ZBTB40: variants seen among roughly 807,000 people sequenced by gnomAD.
The protein encoded by ZBTB40 is zinc finger and BTB domain containing 40, also known as zinc finger and BTB domain-containing protein 40.
ZBTB40 carries 60 observed loss-of-function variants against 117.5 expected under a neutral mutation model. The observed-to-expected ratio is 0.51, with a 90% CI of 0.41 to 0.63. The LOEUF (loss-of-function observed/expected upper bound fraction) is 0.63. Ranked by LOEUF, ZBTB40 falls within the 30% of genes least tolerant of loss-of-function variation. The probability of loss-of-function intolerance (pLI) is 0.00; values close to 1 mark genes in which losing one functional copy is unlikely to be tolerated. For missense variants in ZBTB40, 1,287 were observed against 1,498.5 expected, an observed-to-expected ratio of 0.86 and a Z score of 2.33; for synonymous variants, 525 against 577.1, an observed-to-expected ratio of 0.91 and a Z score of 1.29.
intron 3 of ZBTB40, among the ~76,000 whole-genome samples, chr1:22,499,239 C>T (rs1638860542): frequency 6.6e-6 from 1 of 152,246 alleles, no homozygotes; most frequent in African/African-American, 2.4e-5. Context: ...CTCCGTAGGG[C>T]AGCTCACAAC....
intron 1 of ZBTB40, among the ~76,000 whole-genome samples, chr1:22,443,158 A>C (rs1480918428): frequency 6.6e-6 from 1 of 152,196 alleles, no homozygotes; most frequent in Non-Finnish European, 1.5e-5. Context: ...ACAGAATCTA[A>C]CCTGCTGGGG....
intron 3 of ZBTB40, among the ~76,000 whole-genome samples, chr1:22,493,157 A>C (rs1363556964): frequency 6.6e-6 from 1 of 151,960 alleles, no homozygotes; most frequent in African/African-American, 2.4e-5. Flanking sequence ...CTTTTTTTCC[A>C]TTTCTTGTTC....
chr1:22,450,825 T>C (rs1640853785), upstream of ZBTB40, among the ~76,000 whole-genome samples: 1 of 152,132 alleles, frequency 6.6e-6, no homozygotes. Flanking sequence ...CGACTGAATA[T>C]TGACATTGCA....
At chr1:22,521,397 G>A in intron 14 of ZBTB40, 99 bp from the exon 15 acceptor site, 2 of 1,495,000 alleles carry the variant, frequency 1.3e-6, no homozygotes, top group South Asian at 1.2e-5. Flanking sequence ...AGAAACGTCA[G>A]CTTATCCAAA....
chr1:22,429,088 T>A (rs1444924995), intron 1 of ZBTB40, among the ~76,000 whole-genome samples: 1 of 152,184 alleles, frequency 6.6e-6, no homozygotes. Context: ...TTTTCTTCTT[T>A]AAGAAATTCT....
intron 1 of ZBTB40, among the ~76,000 whole-genome samples, chr1:22,467,291 A>G (rs569224028): frequency 1.4e-3 from 213 of 152,312 alleles, no homozygotes; most frequent in African/African-American, 4.9e-3. Flanking sequence ...CAAGTAAAGT[A>G]TACTTTTCCC....
chr1:22,445,489 A>G (rs1276294570), intron 1 of ZBTB40, among the ~76,000 whole-genome samples: 1 of 152,134 alleles, frequency 6.6e-6, no homozygotes, highest in Non-Finnish European at 1.5e-5. Context: ...CTAAAGGCCT[A>G]TTTACAGATC....
Position 22,511,813 on chromosome 1 carries a change from A to C in ZBTB40, c.2140A>C (p.Thr714Pro). Residue 714 changes from threonine (T) to proline (P), a missense_variant, in exon 11 of 18, where the codon ACT becomes CCT. Coordinates refer to ENST00000375647, the MANE Select transcript of ZBTB40 (RefSeq NM_014870.4). ...QPGEQNDQGE[T>P]GSLPGQQEKE... is the part of the protein sequence containing the mutation. ...TGGGGAACAGAATGATCAAGGAGAG[A>C]CTGGTTCCTTGCCAGGACAGCAAGA... is the stretch of plus-strand genomic sequence containing the variant. The C allele has an allele frequency of 1.2e-6, 2 of 1,614,122 alleles. No individual in the cohort carries two copies. The highest frequency in any genetic ancestry group is 1.1e-5 in the South Asian group (1 of 91,078).
intron 1 of ZBTB40, among the ~76,000 whole-genome samples, chr1:22,442,227 A>C (rs1640741839): frequency 6.6e-6 from 1 of 152,176 alleles, no homozygotes; most frequent in Admixed American, 6.5e-5. Context: ...TGCACATGAG[A>C]AGAATGTGTG....
chr1:22,459,672 C>T (rs1408954921), intron 1 of ZBTB40, among the ~76,000 whole-genome samples: 1 of 152,094 alleles, frequency 6.6e-6, no homozygotes, highest in Non-Finnish European at 1.5e-5. Context: ...GTTTTCCTGG[C>T]TGTTTTTGCT....
At chr1:22,505,148 A>T (rs1639044645) in intron 5 of ZBTB40, among the ~76,000 whole-genome samples, 1 of 152,164 alleles carries the variant, frequency 6.6e-6, no homozygotes, top group Admixed American at 6.5e-5. Flanking sequence ...TACTACCATG[A>T]CTAGGAGCTG....
At chr1:22,464,213 C>T (rs1017483474) in intron 1 of ZBTB40, among the ~76,000 whole-genome samples, 7 of 152,232 alleles carry the variant, frequency 4.6e-5, no homozygotes, top group African/African-American at 1.4e-4. Flanking sequence ...AGGTAATTTG[C>T]CCAGGATCAC....
chr1:22,527,675 T>A lies in ZBTB40; in HGVS notation c.*1279T>A, dbSNP rs1001382994. The A allele has an allele frequency of 3.9e-5, 6 of 152,390 alleles. No individual in the cohort carries two copies. The highest frequency in any genetic ancestry group is 7.3e-5 in the Non-Finnish European group (5 of 68,072). The allele number at this position is 152,390 out of a possible 1,614,324, so 9.4% of individuals were successfully genotyped here. A position where few individuals can be genotyped will look rare whatever the true frequency, so the allele number is the denominator to read the frequency against. On this transcript the variant is annotated 3_prime_UTR_variant, in exon 18 of 18. Coordinates refer to ENST00000375647, the MANE Select transcript of ZBTB40 (RefSeq NM_014870.4). ...ACCCCCTGTGGAGGGGAGTGCCTGG[T>A]TGGATCCCACACTGGCAGAGATGGG...
chr1:22,484,132 AC>A (rs1638402574), intron 1 of ZBTB40, among the ~76,000 whole-genome samples: 1 of 152,162 alleles, frequency 6.6e-6, no homozygotes, highest in African/African-American at 2.4e-5. Flanking sequence ...CACCAATACC[AC>A]ATTGTCTTCA....
chr1:22,472,251 A>G (rs1641430019), intron 1 of ZBTB40, among the ~76,000 whole-genome samples: 1 of 151,388 alleles, frequency 6.6e-6, no homozygotes, highest in Non-Finnish European at 1.5e-5. Context: ...TGGTACAAAC[A>G]TGGCTCACTG....
chr1:22,464,598 A>G (rs1315134157), intron 1 of ZBTB40, among the ~76,000 whole-genome samples: 1 of 152,230 alleles, frequency 6.6e-6, no homozygotes, highest in Non-Finnish European at 1.5e-5. Context: ...ATTTCCTGTT[A>G]TAAGGTTTAT....
At chr1:22,493,684 G>T (rs1006738139) in intron 3 of ZBTB40, among the ~76,000 whole-genome samples, 1 of 151,962 alleles carries the variant, frequency 6.6e-6, no homozygotes, top group African/African-American at 2.4e-5. Context: ...GTCTGCTTTC[G>T]GTCACTGTAC....
intron 3 of ZBTB40, among the ~76,000 whole-genome samples, chr1:22,493,269 T>G (rs1479306264): frequency 6.6e-6 from 1 of 152,194 alleles, no homozygotes; most frequent in Non-Finnish European, 1.5e-5. Context: ...GTTTTAGAGG[T>G]CAGAGTAGGA....
chr1:22,522,987 A>G (rs1169233356), intron 16 of ZBTB40, among the ~76,000 whole-genome samples: 5 of 126,970 alleles, frequency 3.9e-5, no homozygotes, highest in Non-Finnish European at 7.8e-5. Flanking sequence ...TCACTCTGTC[A>G]CCCAGGCTGG....
Sources: gnomAD v4.1 joint callset for allele counts (sites outside exome capture counted in the v4.1 genomes callset) on GRCh38, gnomAD v4.1.1 for gene constraint, MANE v1.5 for transcripts, NCBI Gene and HGNC (gene_info 2026-07-23, HGNC 2026-07-21) for gene names.